Variants in SLC7A5 observed in about 807,000 individuals in gnomAD.
SLC7A5 encodes the protein large neutral amino acids transporter small subunit 1.
SLC7A5 carries 23 observed loss-of-function variants against 50.2 expected under a neutral mutation model. The observed-to-expected ratio is 0.46, with a 90% CI of 0.33 to 0.65. SLC7A5 has a LOEUF of 0.65. Ranked by LOEUF, SLC7A5 falls within the 30% of genes least tolerant of loss-of-function variation. The probability of loss-of-function intolerance (pLI) is 0.02; values close to 1 mark genes in which losing one functional copy is unlikely to be tolerated. For synonymous variants in SLC7A5, 393 were observed against 330.6 expected (o/e 1.19, Z -2.05); for missense variants, 578 against 684.4 (o/e 0.84, Z 1.73).
chr16:87,837,476 G>T (rs1014515576), intron 7 of SLC7A5: 6 of 290,186 alleles, frequency 2.1e-5, no homozygotes. Context: ...ACGCGGGCTG[G>T]CACGGAAAGA....
chr16:87,864,617 G>A (rs567011128), intron 1 of SLC7A5, among the ~76,000 whole-genome samples: 6 of 152,348 alleles, frequency 3.9e-5, no homozygotes, highest in Non-Finnish European at 5.9e-5. Flanking sequence ...CTGACCCGGT[G>A]ACAGATGAAT....
At chr16:87,836,790 A>C in intron 7 of SLC7A5, 143 bp from the exon 8 acceptor site, 1 of 693,546 alleles carries the variant, frequency 1.4e-6, no homozygotes, top group Non-Finnish European at 2.5e-6. Flanking sequence ...ACCTCATCTG[A>C]GCAACATGCA....
chr16:87,846,813 C>T (rs1041873267), intron 2 of SLC7A5, among the ~76,000 whole-genome samples: 1 of 152,244 alleles, frequency 6.6e-6, no homozygotes, highest in Non-Finnish European at 1.5e-5. Flanking sequence ...AAGCGGCAGT[C>T]AGGGCGTGAG....
At chr16:87,865,302 C>T (rs1452139625) in intron 1 of SLC7A5, among the ~76,000 whole-genome samples, 1 of 152,186 alleles carries the variant, frequency 6.6e-6, no homozygotes, top group African/African-American at 2.4e-5. Flanking sequence ...GTGGCCCTAA[C>T]TTTCGCTGAA....
At chr16:87,866,440 A>T (rs1395057137) in intron 1 of SLC7A5, among the ~76,000 whole-genome samples, 1 of 152,090 alleles carries the variant, frequency 6.6e-6, no homozygotes, top group East Asian at 1.9e-4. Context: ...AGCTGGGACT[A>T]CAGGTGTGCG....
chr16:87,847,040 G>A (rs768491718), intron 2 of SLC7A5, among the ~76,000 whole-genome samples: 2 of 152,168 alleles, frequency 1.3e-5, no homozygotes, highest in Non-Finnish European at 2.9e-5. Context: ...CACCCTAGAA[G>A]CCCACAGTCC....
intron 1 of SLC7A5, among the ~76,000 whole-genome samples, chr16:87,865,571 A>G (rs2055449763): frequency 6.6e-6 from 1 of 152,026 alleles, no homozygotes. Context: ...TTAGCTGGGC[A>G]TGGTGGGCAC....
intron 1 of SLC7A5, among the ~76,000 whole-genome samples, chr16:87,863,306 G>T (rs1419695542): frequency 6.6e-6 from 1 of 152,170 alleles, no homozygotes; most frequent in African/African-American, 2.4e-5. Context: ...GCCTGGATCA[G>T]TGCCGGGCCA....
chr16:87,864,001 A>ATATATATATATATATATATATATATATG (rs1429845030), intron 1 of SLC7A5, among the ~76,000 whole-genome samples: 1 of 140,626 alleles, frequency 7.1e-6, no homozygotes, highest in African/African-American at 2.6e-5. Context: ...ATATATATAT[A>ATATATATATATATATATATATATATATG]TATATATCAG....
chr16:87,847,367 A>C (rs1234944870), intron 2 of SLC7A5, among the ~76,000 whole-genome samples: 1 of 152,158 alleles, frequency 6.6e-6, no homozygotes, highest in Non-Finnish European at 1.5e-5. Flanking sequence ...GAGGAGACCA[A>C]GACAGGGCCG....
rs530940581 is a variant in SLC7A5 at position 87,839,918 on chromosome 16, T to G, written c.816-93A>C. The G allele has an allele frequency of 1.1e-4, 164 of 1,535,102 alleles. No homozygotes were observed. The African/African-American group carries it at 2.0e-3, about 19-fold the overall frequency. On this transcript the variant is annotated intron_variant, in intron 4 of 9. Coordinates refer to ENST00000261622, the MANE Select transcript of SLC7A5 (RefSeq NM_003486.7). Reference sequence around the variant, plus strand: ...AGCCAGGTGGGCTCCTCGCAAGCAGTAGCTCCAGCCTCTGTGCTGGGCTTC... The same window carrying G: ...AGCCAGGTGGGCTCCTCGCAAGCAGGAGCTCCAGCCTCTGTGCTGGGCTTC...
In SLC7A5 at chr16:87,839,588, G is replaced by A. The variant is rs1176627359; in HGVS notation, c.939+114C>T. 7.4e-6 allele frequency: 11 copies of A among 1,493,328 alleles called. No homozygotes were observed. In the Middle Eastern group the frequency reaches 7.0e-4, roughly 96 times the overall value. 92.5% of individuals were successfully genotyped at this position (1,493,328 alleles called of 1,614,324 possible). ...GGGTAGGGGAGGCTTAGAGACGCGG[G>A]GCCCCCTCTGCGTAGGGGAGGCTTA... On this transcript the variant is annotated intron_variant, in intron 5 of 9. Transcript: ENST00000261622.
chr16:87,846,975 G>C (rs569551461), intron 2 of SLC7A5, among the ~76,000 whole-genome samples: 75 of 152,288 alleles, frequency 4.9e-4, no homozygotes, highest in South Asian at 3.9e-3. Context: ...GGCAAAACTA[G>C]AATCCCAAGG....
At chr16:87,847,978 C>T (rs1241546444) in intron 2 of SLC7A5, among the ~76,000 whole-genome samples, 1 of 151,984 alleles carries the variant, frequency 6.6e-6, no homozygotes, top group Non-Finnish European at 1.5e-5. Context: ...TCTCGGCCAC[C>T]GGGACCCAGG....
intron 1 of SLC7A5, among the ~76,000 whole-genome samples, chr16:87,854,341 G>C (rs1336070544): frequency 6.6e-6 from 1 of 152,166 alleles, no homozygotes; most frequent in African/African-American, 2.4e-5. Flanking sequence ...TTTGGGTGAT[G>C]AGTAAACAAA....
chr16:87,855,792 C>G (rs1177388274), intron 1 of SLC7A5, among the ~76,000 whole-genome samples: 3 of 152,160 alleles, frequency 2.0e-5, no homozygotes, highest in African/African-American at 7.2e-5. Context: ...TGGGCCCCGG[C>G]TGGGTGGGGA....
rs1264625891 is a variant in SLC7A5, at chr16:87,861,201, G to T, written c.538+7684C>A. ...GCTCCAGGGAGGGCCAGGCCTACTG[G>T]GGGGCAGAACCCTGTGGCTGTCCAG... On this transcript the variant is annotated intron_variant, in intron 1 of 9. Transcript: ENST00000261622. This position sits in a 1 kb window ranked among gnomAD's most constrained non-coding sequence, Gnocchi z 4.2. Among the ~76,000 whole-genome samples the T allele has an allele frequency of 6.6e-6, 1 of 152,190 alleles. No homozygotes were observed. The highest frequency in any genetic ancestry group is 1.5e-5 in the Non-Finnish European group (1 of 68,018).
At chr16:87,848,890 CA>C (rs142381899) in intron 2 of SLC7A5, among the ~76,000 whole-genome samples, 4,035 of 126,870 alleles carry the variant, frequency 0.032, 172 homozygotes, top group African/African-American at 0.12. Flanking sequence ...GGGGTGATTA[CA>C]AACTTCCCTG....
rs568656039 is a variant in SLC7A5 at position 87,853,300 on chromosome 16, T to C, written c.539-1451A>G. On this transcript the variant is annotated intron_variant, in intron 1 of 9. Transcript: ENST00000261622. The surrounding 1 kb of genome is among the most constrained non-coding windows in gnomAD (Gnocchi z 4.4). ...CTGAGGTGCGGGACGGGCTGCCGCC[T>C]GCCTATCTCTCAGAAATTAACCACC... 7.2e-5 allele frequency among the ~76,000 whole-genome samples: 11 copies of C among 152,366 alleles called. No homozygotes were observed. The highest frequency in any genetic ancestry group is 1.4e-4 in the African/African-American group (6 of 41,592).
Sources: allele counts gnomAD v4.1 joint callset (sites outside exome capture counted in the v4.1 genomes callset), GRCh38; gene constraint gnomAD v4.1.1; non-coding constraint Gnocchi (gnomAD v3.1); transcripts MANE v1.5; gene names NCBI Gene and HGNC (gene_info 2026-07-23, HGNC 2026-07-21).